Variants in FRMD3 observed in about 807,000 individuals in gnomAD.
The protein encoded by FRMD3 is FERM domain-containing protein 3.
Under a neutral mutation model 70.2 loss-of-function variants are expected in FRMD3, and 33 were observed. That is an observed-to-expected ratio of 0.47 (90% confidence interval 0.36 to 0.63). The LOEUF (loss-of-function observed/expected upper bound fraction) is 0.63. Among genes scored for constraint, FRMD3 ranks in the 20% least tolerant of loss-of-function variants. The pLI is 0.00. For missense variants in FRMD3, 632 were observed against 711.4 expected, an observed-to-expected ratio of 0.89 and a Z score of 1.27; for synonymous variants, 279 against 255.9, an observed-to-expected ratio of 1.09 and a Z score of -0.86.
chr9:83,333,468 G>C (rs1823464833), intron 6 of FRMD3, among the ~76,000 whole-genome samples: 1 of 152,122 alleles, frequency 6.6e-6, no homozygotes, highest in Non-Finnish European at 1.5e-5. Flanking sequence ...GCTGGCCCAG[G>C]GTCCAAGCTA....
chr9:83,557,505 G>A, the FRMD3 span, among the ~76,000 whole-genome samples: 1 of 152,160 alleles, frequency 6.6e-6, no homozygotes, highest in Non-Finnish European at 1.5e-5. Flanking sequence ...GAAAGAGAAA[G>A]ATGTCCCCCA....
intron 1 of FRMD3, among the ~76,000 whole-genome samples, chr9:83,502,080 G>C (rs964829751): frequency 2.6e-5 from 4 of 152,152 alleles, no homozygotes; most frequent in Admixed American, 6.5e-5. Flanking sequence ...AATATTAACT[G>C]TTTTTAGGTA....
At chr9:83,308,369 G>A (rs760295569) in intron 10 of FRMD3, among the ~76,000 whole-genome samples, 2 of 152,268 alleles carry the variant, frequency 1.3e-5, no homozygotes, top group Middle Eastern at 6.8e-3. Flanking sequence ...TTCTGTGGCC[G>A]AAACTGGTTT....
intron 1 of FRMD3, among the ~76,000 whole-genome samples, chr9:83,399,929 A>C (rs771019446): frequency 6.6e-6 from 1 of 152,160 alleles, no homozygotes; most frequent in Non-Finnish European, 1.5e-5. Context: ...CAAGGCAAAG[A>C]TGTCCTCTCT....
At chr9:83,518,123 T>C (rs1829493383) in intron 1 of FRMD3, among the ~76,000 whole-genome samples, 1 of 152,180 alleles carries the variant, frequency 6.6e-6, no homozygotes, top group Non-Finnish European at 1.5e-5. Flanking sequence ...TTGACAGTAT[T>C]GGAAGTTCTG....
intron 1 of FRMD3, among the ~76,000 whole-genome samples, chr9:83,490,447 C>A (rs1386371424): frequency 6.6e-6 from 1 of 151,986 alleles, no homozygotes; most frequent in Non-Finnish European, 1.5e-5. Flanking sequence ...CACCACCACA[C>A]CTGGCAAATT....
chr9:83,507,736 A>C (rs9774797), intron 1 of FRMD3, among the ~76,000 whole-genome samples: 18,690 of 88,326 alleles, frequency 0.21, 2,978 homozygotes, highest in Middle Eastern at 0.27. Flanking sequence ...ATATATATAT[A>C]TATCTTCTGG....
chr9:83,487,465 T>C (rs1261918547), intron 1 of FRMD3, among the ~76,000 whole-genome samples: 1 of 152,248 alleles, frequency 6.6e-6, no homozygotes, highest in Non-Finnish European at 1.5e-5. Flanking sequence ...TCATCTTAGA[T>C]ATCTGCTAAA....
intron 13 of FRMD3, among the ~76,000 whole-genome samples, chr9:83,264,811 G>GC (rs1554678431): frequency 1.3e-5 from 2 of 151,234 alleles, no homozygotes; most frequent in Non-Finnish European, 3.0e-5. Flanking sequence ...CAATTGTGGG[G>GC]GGAGGGGGGA....
At chr9:83,564,972 T>G in the FRMD3 span, among the ~76,000 whole-genome samples, 2 of 152,144 alleles carry the variant, frequency 1.3e-5, no homozygotes, top group African/African-American at 2.4e-5. Context: ...CAGAAACACA[T>G]TCTATTTAAT....
intron 1 of FRMD3, among the ~76,000 whole-genome samples, chr9:83,397,645 C>T (rs1246834974): frequency 6.6e-6 from 1 of 152,140 alleles, no homozygotes; most frequent in Non-Finnish European, 1.5e-5. Context: ...GAAGTGGGAG[C>T]TGTGAGGCCT....
At chr9:83,555,675 A>G in the FRMD3 span, among the ~76,000 whole-genome samples, 1 of 152,162 alleles carries the variant, frequency 6.6e-6, no homozygotes, top group Admixed American at 6.5e-5. Context: ...CCTCTTTCCT[A>G]TGGGTAGGTA....
At chr9:83,325,012 T>C (rs964089503) in intron 6 of FRMD3, among the ~76,000 whole-genome samples, 2 of 152,220 alleles carry the variant, frequency 1.3e-5, no homozygotes, top group East Asian at 1.9e-4. Context: ...CCACCTTTTA[T>C]GTTTTAAAAA....
chr9:83,431,440 T>C (rs922954176), intron 1 of FRMD3, among the ~76,000 whole-genome samples: 1 of 152,238 alleles, frequency 6.6e-6, no homozygotes, highest in African/African-American at 2.4e-5. Flanking sequence ...AATTAAAATC[T>C]AAAATTTTTA....
At chr9:83,583,612 G>GA in the FRMD3 span, among the ~76,000 whole-genome samples, 1 of 151,526 alleles carries the variant, frequency 6.6e-6, no homozygotes, top group Admixed American at 6.6e-5. Context: ...ATCCCTTGTT[G>GA]AAAAAAAAAT....
At chr9:83,463,724 AC>A (rs1828041004) in intron 1 of FRMD3, among the ~76,000 whole-genome samples, 1 of 152,146 alleles carries the variant, frequency 6.6e-6, no homozygotes, top group Admixed American at 6.5e-5. Context: ...TGCTCTGCCC[AC>A]CCCACATTCA....
At chr9:83,277,395 C>G (rs1394947054) in intron 13 of FRMD3, among the ~76,000 whole-genome samples, 1 of 152,144 alleles carries the variant, frequency 6.6e-6, no homozygotes, top group Non-Finnish European at 1.5e-5. Context: ...GATGGAGTCT[C>G]ACTCTGATGC....
At chr9:83,555,487 G>C in the FRMD3 span, among the ~76,000 whole-genome samples, 2 of 152,206 alleles carry the variant, frequency 1.3e-5, no homozygotes, top group Non-Finnish European at 2.9e-5. Context: ...GGCTGGAATG[G>C]CTAAGGTACC....
chr9:83,400,801 C>T (rs1044793766), intron 1 of FRMD3, among the ~76,000 whole-genome samples: 3 of 152,180 alleles, frequency 2.0e-5, no homozygotes, highest in Non-Finnish European at 4.4e-5. Flanking sequence ...GTTATCCTGA[C>T]CACAGTAGCT....
Sources: allele counts gnomAD v4.1 joint callset (sites outside exome capture counted in the v4.1 genomes callset), GRCh38; gene constraint gnomAD v4.1.1; transcripts MANE v1.5; gene names NCBI Gene and HGNC (gene_info 2026-07-23, HGNC 2026-07-21).